Variants in DOCK10 observed in about 807,000 individuals in gnomAD.
DOCK10 encodes the protein dedicator of cytokinesis 10, also known as dedicator of cytokinesis protein 10.
In DOCK10, 145 loss-of-function variants were observed where a neutral mutation model predicts 280.1. That is an observed-to-expected ratio of 0.52 (90% CI 0.45 to 0.59). The LOEUF (loss-of-function observed/expected upper bound fraction) is 0.59. DOCK10 is among the 20% of genes least tolerant of loss of function. DOCK10 has a pLI of 0.00. For missense variants in DOCK10, 2,368 were observed against 2,651.7 expected (o/e 0.89, Z 2.35); for synonymous variants, 915 against 942.2 (o/e 0.97, Z 0.53).
At chr2:224,820,637 T>C (rs1252653127) in intron 28 of DOCK10, among the ~76,000 whole-genome samples, 1 of 152,234 alleles carries the variant, frequency 6.6e-6, no homozygotes, top group Non-Finnish European at 1.5e-5. Flanking sequence ...GGACTACACA[T>C]AAAATCTTGC....
chr2:224,924,802 T>C (rs1701965949), intron 2 of DOCK10, among the ~76,000 whole-genome samples: 1 of 152,224 alleles, frequency 6.6e-6, no homozygotes, highest in Non-Finnish European at 1.5e-5. Context: ...ATGGCATCAC[T>C]CACTGTGGGA....
chr2:224,902,146 A>T (rs1700335739), intron 3 of DOCK10, among the ~76,000 whole-genome samples: 1 of 152,218 alleles, frequency 6.6e-6, no homozygotes, highest in South Asian at 2.1e-4. Flanking sequence ...TAATCATTAG[A>T]ATCAATTCAA....
At chr2:225,020,037 A>G (rs1232212459) in intron 1 of DOCK10, among the ~76,000 whole-genome samples, 1 of 152,186 alleles carries the variant, frequency 6.6e-6, no homozygotes, top group Non-Finnish European at 1.5e-5. Flanking sequence ...ATACATCCCA[A>G]CATATACCTA....
chr2:224,822,553 C>T (rs538030384), intron 28 of DOCK10, among the ~76,000 whole-genome samples: 3 of 152,130 alleles, frequency 2.0e-5, no homozygotes, highest in South Asian at 4.1e-4. Flanking sequence ...GGCAAAACCC[C>T]GTCTCTACAA....
intron 1 of DOCK10, chr2:224,946,881 C>A: frequency 6.5e-7 from 1 of 1,546,560 alleles, no homozygotes; most frequent in Non-Finnish European, 8.7e-7. Flanking sequence ...TTGGTTTACT[C>A]TCCTCACAGT....
At chr2:224,889,858 C>G (rs369892016) in intron 4 of DOCK10, among the ~76,000 whole-genome samples, 1 of 152,236 alleles carries the variant, frequency 6.6e-6, no homozygotes, top group Non-Finnish European at 1.5e-5. Context: ...CCCTCTCCCC[C>G]ACTCCTGTGA....
intron 3 of DOCK10, among the ~76,000 whole-genome samples, chr2:224,907,158 G>C (rs1364992154): frequency 1.3e-5 from 2 of 152,224 alleles, no homozygotes; most frequent in Non-Finnish European, 2.9e-5. Flanking sequence ...AGGCTAATCT[G>C]ATAATTAGGT....
intron 1 of DOCK10, among the ~76,000 whole-genome samples, chr2:224,939,203 T>C (rs1702870544): frequency 6.6e-6 from 1 of 152,224 alleles, no homozygotes; most frequent in Admixed American, 6.5e-5. Flanking sequence ...ATATAAGGGA[T>C]GACTGTATTG....
intron 1 of DOCK10, among the ~76,000 whole-genome samples, chr2:224,976,209 G>C (rs1705430263): frequency 6.6e-6 from 1 of 150,766 alleles, no homozygotes; most frequent in Non-Finnish European, 1.5e-5. Context: ...ACAGGGAGGG[G>C]AACATCACAC....
chr2:224,830,816 A>C (rs1048962616), intron 26 of DOCK10, among the ~76,000 whole-genome samples: 1 of 152,188 alleles, frequency 6.6e-6, no homozygotes, highest in East Asian at 1.9e-4. Flanking sequence ...AACTAAAACA[A>C]GTTACAAGTT....
rs544153728 is a variant in DOCK10 at position 224,834,003 on chromosome 2, C to A, written c.2964+147G>T. On this transcript the variant is annotated intron_variant, in intron 26 of 55. Transcript: ENST00000258390. ...GATATAGATCTCTTTTGCTTAGTAT[C>A]TTTATATGCTAAGTTTCAATATGAA... The A allele has an allele frequency of 1.7e-5, 10 of 596,004 alleles. No individual in the cohort carries two copies. The South Asian group carries it at 1.9e-4, about 12-fold the overall frequency. 36.9% of individuals were successfully genotyped at this position (596,004 alleles called of 1,614,324 possible).
intron 34 of DOCK10, 95 bp downstream of exon 34, chr2:224,806,031 C>A (rs1187808155): frequency 1.5e-6 from 1 of 681,498 alleles, no homozygotes; most frequent in Non-Finnish European, 2.5e-6. Flanking sequence ...GTAGATTATG[C>A]ATAATAAATT....
intron 1 of DOCK10, among the ~76,000 whole-genome samples, chr2:224,956,650 A>T (rs913345574): frequency 1.4e-4 from 20 of 141,670 alleles, no homozygotes; most frequent in Admixed American, 1.3e-3. Flanking sequence ...AAAAAAAAAA[A>T]GAGCATCGAA....
At chr2:225,029,300 T>C (rs577948175) in intron 1 of DOCK10, among the ~76,000 whole-genome samples, 98 of 152,322 alleles carry the variant, frequency 6.4e-4, no homozygotes, top group African/African-American at 2.2e-3. Flanking sequence ...GCTTCCTGAG[T>C]AGCTGGAGTT....
intron 4 of DOCK10, among the ~76,000 whole-genome samples, chr2:224,892,849 T>C (rs984515657): frequency 2.6e-4 from 39 of 152,252 alleles, no homozygotes; most frequent in African/African-American, 8.9e-4. Context: ...CACAGCCTCC[T>C]GCCTTTAAAG....
intron 1 of DOCK10, among the ~76,000 whole-genome samples, chr2:225,026,051 G>A (rs1689912367): frequency 6.6e-6 from 1 of 152,048 alleles, no homozygotes; most frequent in African/African-American, 2.4e-5. Context: ...CAAATTAGTT[G>A]GGTCTTGAAA....
chr2:224,886,886 A>ACCCCCCCCCC (rs879598680), intron 4 of DOCK10, among the ~76,000 whole-genome samples: 31 of 135,230 alleles, frequency 2.3e-4, no homozygotes, highest in African/African-American at 9.4e-4. Context: ...AGCACCCCCA[A>ACCCCCCCCCC]CACCCCCCCA....
Position 224,773,367 on chromosome 2 carries a change from AG to A in DOCK10, c.6014-21del, listed in dbSNP as rs748129522. 57 of 1,591,394 alleles carry A rather than the reference AG, an allele frequency of 3.6e-5. No individual in the cohort carries two copies. The highest frequency in any genetic ancestry group is 4.9e-5 in the Non-Finnish European group (57 of 1,168,114). On this transcript the variant is annotated intron_variant, in intron 52 of 55. Coordinates refer to ENST00000258390, the MANE Select transcript of DOCK10 (RefSeq NM_014689.3). ...GACTCGCTGTACAAAAGCCATACAA[AG>A]GGATTTCAAGGTTGAGGATTAGTGA...
intron 1 of DOCK10, among the ~76,000 whole-genome samples, chr2:224,961,329 T>G (rs1437663837): frequency 6.6e-6 from 1 of 152,224 alleles, no homozygotes; most frequent in Non-Finnish European, 1.5e-5. Flanking sequence ...ATTCCCATTG[T>G]GCAACACAAC....
Sources: gnomAD v4.1 joint callset for allele counts (sites outside exome capture counted in the v4.1 genomes callset) on GRCh38, gnomAD v4.1.1 for gene constraint, MANE v1.5 for transcripts, NCBI Gene and HGNC (gene_info 2026-07-23, HGNC 2026-07-21) for gene names.